Variants in CSMD1 observed in about 807,000 individuals in gnomAD.
The protein encoded by CSMD1 is CUB and Sushi multiple domains 1.
A neutral mutation model predicts 417.5 loss-of-function variants in CSMD1; 213 were observed. That is an observed-to-expected ratio of 0.51 (90% CI 0.46 to 0.57). The LOEUF (loss-of-function observed/expected upper bound fraction) is 0.57. CSMD1 is among the 20% of genes least tolerant of loss of function. The pLI, the probability that CSMD1 is intolerant of heterozygous loss-of-function variation, is 0.00. For missense variants in CSMD1, 6,923 were observed against 4,529.7 expected (o/e 1.53, Z -15.17); for synonymous variants, 2,862 against 1,736.8 (o/e 1.65, Z -16.11).
In CSMD1 at chr8:4,726,231, G is replaced by A. The variant is rs571897850; in HGVS notation, c.86-88673C>T. ...GGCTTCATCACCCATATTAGGGTCA[G>A]AAAAACTCTTGTGTGTTTCTACAGC... On this transcript the variant is annotated intron_variant, in intron 1 of 69. Coordinates refer to ENST00000635120, the MANE Select transcript of CSMD1 (RefSeq NM_033225.6). Among the ~76,000 whole-genome samples, 968 of 151,868 alleles carry A rather than the reference G, an allele frequency of 6.4e-3. 12 individuals carry two copies. The highest frequency in any genetic ancestry group is 0.022 in the African/African-American group (904 of 41,410).
intron 1 of CSMD1, among the ~76,000 whole-genome samples, chr8:4,826,570 G>T (rs1239218149): frequency 6.6e-6 from 1 of 152,140 alleles, no homozygotes; most frequent in African/African-American, 2.4e-5. Flanking sequence ...AGTTAGCGTA[G>T]TTGGGATGTC....
intron 3 of CSMD1, among the ~76,000 whole-genome samples, chr8:4,232,080 G>A (rs1157937826): frequency 6.6e-6 from 1 of 152,166 alleles, no homozygotes; most frequent in Non-Finnish European, 1.5e-5. Flanking sequence ...AGTAATTATT[G>A]TAGTACTTGA....
intron 1 of CSMD1, among the ~76,000 whole-genome samples, chr8:4,907,868 T>A (rs148484916): frequency 6.6e-6 from 1 of 152,066 alleles, no homozygotes; most frequent in Non-Finnish European, 1.5e-5. Context: ...ACTTTGGCCA[T>A]TGTTTATTAA....
At chr8:4,917,556 C>A (rs1257136651) in intron 1 of CSMD1, among the ~76,000 whole-genome samples, 2 of 152,186 alleles carry the variant, frequency 1.3e-5, no homozygotes, top group African/African-American at 4.8e-5. Flanking sequence ...ATCGCTTGAA[C>A]CCAGGAAGCG....
chr8:4,888,941 G>A (rs1465862849), intron 1 of CSMD1, among the ~76,000 whole-genome samples: 1 of 151,954 alleles, frequency 6.6e-6, no homozygotes, highest in Non-Finnish European at 1.5e-5. Context: ...GAGGAGAAGG[G>A]AAAATCTTTA....
chr8:4,084,459 T>C (rs984611687), intron 3 of CSMD1, among the ~76,000 whole-genome samples: 2 of 152,352 alleles, frequency 1.3e-5, no homozygotes, highest in African/African-American at 2.4e-5. Context: ...TTTGTTGTAA[T>C]TGCTAAATCA....
In CSMD1 at chr8:4,972,371, G is replaced by A. The variant is rs182409999; in HGVS notation, c.85+21961C>T. 3.9e-5 allele frequency among the ~76,000 whole-genome samples: 6 copies of A among 152,176 alleles called. No homozygotes were observed. The East Asian group carries it at 1.2e-3, about 30-fold the overall frequency. Reference sequence around the variant, plus strand: ...ACCGGGTGCAGGTAATTGAATCATGGGAGCAGTTCCCCCCATGCTGTTCTC... The same window carrying A: ...ACCGGGTGCAGGTAATTGAATCATGAGAGCAGTTCCCCCCATGCTGTTCTC... On this transcript the variant is annotated intron_variant, in intron 1 of 69. Coordinates refer to ENST00000635120, the MANE Select transcript of CSMD1 (RefSeq NM_033225.6).
At chr8:4,199,832 G>C (rs1490767481) in intron 3 of CSMD1, among the ~76,000 whole-genome samples, 1 of 152,156 alleles carries the variant, frequency 6.6e-6, no homozygotes, top group Admixed American at 6.5e-5. Flanking sequence ...CTAGATAACA[G>C]CAGCAACAAA....
intron 2 of CSMD1, among the ~76,000 whole-genome samples, chr8:4,439,741 A>G (rs190229195): frequency 6.6e-6 from 1 of 152,172 alleles, no homozygotes; most frequent in African/African-American, 2.4e-5. Flanking sequence ...AGAGAACATA[A>G]ATCAGTTTTG....
intron 7 of CSMD1, among the ~76,000 whole-genome samples, chr8:3,634,510 C>G (rs1055417302): frequency 2.0e-5 from 3 of 152,154 alleles, no homozygotes; most frequent in Admixed American, 2.0e-4. Flanking sequence ...CTGCTGTCTC[C>G]CGGACTCTGC....
chr8:3,888,248 T>A (rs1299226705), intron 5 of CSMD1, among the ~76,000 whole-genome samples: 1 of 152,204 alleles, frequency 6.6e-6, no homozygotes, highest in Non-Finnish European at 1.5e-5. Context: ...CAAAATGTGA[T>A]GATCTGCTAA....
At chr8:3,392,699 T>C (rs1417128221) in intron 17 of CSMD1, among the ~76,000 whole-genome samples, 1 of 152,076 alleles carries the variant, frequency 6.6e-6, no homozygotes, top group African/African-American at 2.4e-5. Context: ...ATCACAATAT[T>C]TGGAATCTGG....
At chr8:4,688,373 A>C (rs1584947147) in intron 1 of CSMD1, among the ~76,000 whole-genome samples, 1 of 152,204 alleles carries the variant, frequency 6.6e-6, no homozygotes, top group African/African-American at 2.4e-5. Context: ...ATAATGGACT[A>C]TCAGGTTGAG....
At chr8:4,274,321 G>C (rs895075159) in intron 3 of CSMD1, among the ~76,000 whole-genome samples, 2 of 152,082 alleles carry the variant, frequency 1.3e-5, no homozygotes, top group Non-Finnish European at 2.9e-5. Context: ...CATACGTGGG[G>C]AGGAAAAACA....
rs193278924 is a variant in CSMD1 at position 3,238,721 on chromosome 8, C to G, written c.4154-8490G>C. Among the ~76,000 whole-genome samples, 251 of 152,214 alleles carry G rather than the reference C, an allele frequency of 1.6e-3. 1 individual carries two copies. Among genetic ancestry groups the G allele is most frequent in the African/African-American group, 5.8e-3 (242 of 41,538 alleles). ...GAGGAGAAAAACAGGTATTAAGGGA[C>G]TAAGAATTGGGACCACCCAGGACAT... On this transcript the variant is annotated intron_variant, in intron 26 of 69. Coordinates refer to ENST00000635120, the MANE Select transcript of CSMD1 (RefSeq NM_033225.6).
rs939399450 is a variant in CSMD1, at chr8:3,984,463, T to A, written c.818+13440A>T. On this transcript the variant is annotated intron_variant, in intron 5 of 69. Coordinates refer to ENST00000635120, the MANE Select transcript of CSMD1 (RefSeq NM_033225.6). The stretch of plus-strand genomic sequence containing the variant: ...AGAGAGGCACATTGATATATGTTTC[T>A]ATAAGGTAAAGCAGCATTAAATAAT... Among the ~76,000 whole-genome samples the A allele has an allele frequency of 2.0e-5, 3 of 152,136 alleles. No homozygotes were observed. In the East Asian group the frequency reaches 5.8e-4, roughly 29 times the overall value.
chr8:4,676,640 T>C (rs576978665), intron 1 of CSMD1, among the ~76,000 whole-genome samples: 1 of 152,280 alleles, frequency 6.6e-6, no homozygotes, highest in South Asian at 2.1e-4. Flanking sequence ...GCAATCTGTT[T>C]TCCAAGTTAC....
chr8:4,550,412 T>A (rs192478830), intron 2 of CSMD1, among the ~76,000 whole-genome samples: 19 of 151,884 alleles, frequency 1.3e-4, no homozygotes, highest in Middle Eastern at 3.4e-3. Flanking sequence ...CTAGCTTAGA[T>A]GACTCATTTC....
chr8:4,225,773 A>G (rs1418034579), intron 3 of CSMD1, among the ~76,000 whole-genome samples: 2 of 152,154 alleles, frequency 1.3e-5, no homozygotes, highest in Non-Finnish European at 2.9e-5. Context: ...ATCTATTCAA[A>G]TCTATTCAGA....
Sources: allele counts gnomAD v4.1 joint callset (sites outside exome capture counted in the v4.1 genomes callset), GRCh38; gene constraint gnomAD v4.1.1; transcripts MANE v1.5; gene names NCBI Gene and HGNC (gene_info 2026-07-23, HGNC 2026-07-21).